KYNU: variants seen among roughly 807,000 people sequenced by gnomAD.
KYNU encodes the protein L-kynurenine hydrolase.
In KYNU, 54 loss-of-function variants were observed where a neutral mutation model predicts 59.2. That is an observed-to-expected ratio of 0.91 (90% confidence interval 0.73 to 1.14). The LOEUF (loss-of-function observed/expected upper bound fraction) is 1.14, where lower values mean the gene tolerates loss of function less well. Ranked by LOEUF, KYNU falls within the 50% of genes most tolerant of loss-of-function variation. The pLI is 0.00. For synonymous variants in KYNU, 177 were observed against 192.0 expected (o/e 0.92, Z 0.65); for missense variants, 567 against 554.4 (o/e 1.02, Z -0.23).
chr2:142,957,840 C>A, intron 7 of KYNU, 125 bp downstream of exon 7: 2 of 674,236 alleles, frequency 3.0e-6, no homozygotes, highest in South Asian at 1.7e-5. Context: ...CATGAAGGAC[C>A]TATACTTCTG....
At chr2:142,879,307 T>G (rs1033212128) in intron 1 of KYNU, among the ~76,000 whole-genome samples, 1 of 152,196 alleles carries the variant, frequency 6.6e-6, no homozygotes, top group Non-Finnish European at 1.5e-5. Context: ...TGCAGTCATT[T>G]GGAAGACTAT....
chr2:142,969,238 A>G (rs1451775430), intron 8 of KYNU, among the ~76,000 whole-genome samples: 4 of 152,222 alleles, frequency 2.6e-5, no homozygotes, highest in African/African-American at 9.6e-5. Context: ...GTGTATATGT[A>G]CGTGTATATA....
intron 2 of KYNU, among the ~76,000 whole-genome samples, chr2:142,907,719 CTA>C: frequency 6.6e-6 from 1 of 152,332 alleles, no homozygotes; most frequent in African/African-American, 2.4e-5. Flanking sequence ...TATGATTTGA[CTA>C]TTTCTTTACC....
intron 2 of KYNU, among the ~76,000 whole-genome samples, chr2:142,912,964 A>C (rs1039724407): frequency 6.8e-6 from 1 of 148,068 alleles, no homozygotes; most frequent in Non-Finnish European, 1.5e-5. Context: ...CATCCACCTC[A>C]GCTCCCAAAG....
At chr2:142,986,125 T>G in intron 10 of KYNU, 104 bp downstream of exon 10, 1 of 769,726 alleles carries the variant, frequency 1.3e-6, no homozygotes, top group Non-Finnish European at 2.3e-6. Flanking sequence ...CAATAGGAAT[T>G]AGGATTGGAT....
chr2:142,880,241 G>A (rs971937838), intron 1 of KYNU, among the ~76,000 whole-genome samples: 1 of 152,170 alleles, frequency 6.6e-6, no homozygotes, highest in African/African-American at 2.4e-5. Flanking sequence ...GCTACCATCA[G>A]TAATATGTTT....
intron 10 of KYNU, among the ~76,000 whole-genome samples, chr2:143,010,527 C>G (rs1215595719): frequency 7.8e-6 from 1 of 127,680 alleles, no homozygotes; most frequent in Admixed American, 7.6e-5. Flanking sequence ...CATCAAGCTA[C>G]TAATGACTTT....
At chr2:142,944,162 G>C (rs1369231175) in intron 4 of KYNU, among the ~76,000 whole-genome samples, 1 of 152,198 alleles carries the variant, frequency 6.6e-6, no homozygotes, top group Non-Finnish European at 1.5e-5. Flanking sequence ...TGGTCAGTTA[G>C]TTCATCTCTT....
At chr2:142,900,105 A>G (rs974040962) in intron 2 of KYNU, among the ~76,000 whole-genome samples, 1 of 152,310 alleles carries the variant, frequency 6.6e-6, no homozygotes, top group Admixed American at 6.5e-5. Context: ...ACGGAAGAGA[A>G]CCGTGGAACC....
intron 4 of KYNU, among the ~76,000 whole-genome samples, chr2:142,935,037 C>T (rs1001170347): frequency 2.0e-5 from 3 of 152,162 alleles, no homozygotes; most frequent in African/African-American, 7.2e-5. Context: ...CTGTGTTTTG[C>T]CTTTCATTTT....
intron 2 of KYNU, among the ~76,000 whole-genome samples, chr2:142,901,201 G>C (rs1201850770): frequency 6.6e-6 from 1 of 152,126 alleles, no homozygotes; most frequent in African/African-American, 2.4e-5. Flanking sequence ...GCCATCTGAT[G>C]GGTGCTATTA....
At chr2:142,936,647 T>G (rs1273405901) in intron 4 of KYNU, among the ~76,000 whole-genome samples, 1 of 152,210 alleles carries the variant, frequency 6.6e-6, no homozygotes, top group African/African-American at 2.4e-5. Flanking sequence ...CACCAGAGCC[T>G]TCTTGGACCA....
At chr2:142,935,850 G>A (rs993629419) in intron 4 of KYNU, among the ~76,000 whole-genome samples, 9 of 152,136 alleles carry the variant, frequency 5.9e-5, no homozygotes, top group Non-Finnish European at 1.3e-4. Flanking sequence ...GATACATACG[G>A]GCGTAAGGTG....
At chr2:143,037,203 C>A (rs1465428294) in intron 12 of KYNU, among the ~76,000 whole-genome samples, 1 of 152,146 alleles carries the variant, frequency 6.6e-6, no homozygotes, top group Non-Finnish European at 1.5e-5. Context: ...TACTCTCTCC[C>A]TCAATGGACA....
At position 142,990,756 on chromosome 2, in the gene KYNU, A is replaced by G. The variant is rs560907870; in HGVS notation, c.902+4735A>G. 2.6e-5 allele frequency among the ~76,000 whole-genome samples: 4 copies of G among 152,028 alleles called. No homozygotes were observed. The South Asian group carries it at 6.2e-4, about 24-fold the overall frequency. The stretch of plus-strand genomic sequence containing the variant: ...GAATGGGCAAGAATGGGGCCGACTG[A>G]CAATTTTGATAAAAATACTTGAATT... On this transcript the variant is annotated intron_variant, in intron 10 of 13. Transcript: ENST00000264170.
At chr2:143,021,424 C>T (rs763606041) in intron 10 of KYNU, among the ~76,000 whole-genome samples, 17 of 152,130 alleles carry the variant, frequency 1.1e-4, no homozygotes, top group Admixed American at 5.2e-4. Flanking sequence ...GCTTTTCTCA[C>T]ATTGCTATAA....
At chr2:142,973,576 A>T (rs2105130745) in intron 8 of KYNU, among the ~76,000 whole-genome samples, 1 of 152,226 alleles carries the variant, frequency 6.6e-6, no homozygotes, top group East Asian at 1.9e-4. Flanking sequence ...GGGTGTTTGC[A>T]GCAGCTTTCC....
intron 4 of KYNU, among the ~76,000 whole-genome samples, chr2:142,933,279 G>C (rs1268310958): frequency 6.6e-6 from 1 of 152,152 alleles, no homozygotes; most frequent in African/African-American, 2.4e-5. Flanking sequence ...ACTCTATGCT[G>C]TTGGTCAGTA....
intron 3 of KYNU, among the ~76,000 whole-genome samples, chr2:142,925,189 A>T (rs913025324): frequency 6.6e-6 from 1 of 152,194 alleles, no homozygotes; most frequent in African/African-American, 2.4e-5. Flanking sequence ...GGATCCAAGT[A>T]TCTTCCTTTA....
Sources: gnomAD v4.1 joint callset for allele counts (sites outside exome capture counted in the v4.1 genomes callset) on GRCh38, gnomAD v4.1.1 for gene constraint, MANE v1.5 for transcripts, NCBI Gene and HGNC (gene_info 2026-07-23, HGNC 2026-07-21) for gene names.